SYN1: variants seen among roughly 807,000 people sequenced by gnomAD.
SYN1 encodes the protein synapsin-1.
A neutral mutation model predicts 44.6 loss-of-function variants in SYN1; 8 were observed. The observed-to-expected ratio is 0.18, with a 90% CI of 0.11 to 0.32. SYN1 has a LOEUF of 0.32. Among genes scored for constraint, SYN1 ranks in the 10% least tolerant of loss-of-function variants. The pLI is 1.00. For synonymous variants in SYN1, 275 were observed against 280.1 expected (o/e 0.98, Z 0.18); for missense variants, 451 against 639.4 (o/e 0.71, Z 3.18).
At chrX:47,586,588 T>A in intron 5 of SYN1, 1 of 1,211,870 alleles carries the variant, frequency 8.3e-7, no homozygotes, top group Middle Eastern at 2.3e-4. Flanking sequence ...ACGGACCAGC[T>A]CCTCCAAGGC....
At chrX:47,610,936 C>T (rs2057914859) in intron 1 of SYN1, among the ~76,000 whole-genome samples, 1 of 111,480 alleles carries the variant, frequency 9.0e-6, no homozygotes, top group South Asian at 3.8e-4. Context: ...AAGAAACATG[C>T]TGGTGAGGGT....
At position 47,619,765 on chromosome X, in the gene SYN1, T is replaced by A. The variant is rs1347947304; in HGVS notation, c.-37A>T. 8.7e-7 allele frequency: 1 copy of A among 1,144,850 alleles called. No homozygotes were observed. Among genetic ancestry groups the A allele is most frequent in the Non-Finnish European group, 1.2e-6 (1 of 859,511 alleles). 94.3% of individuals were successfully genotyped at this position (1,144,850 alleles called of 1,213,427 possible). A position where few individuals can be genotyped will look rare whatever the true frequency, so the allele number is the denominator to read the frequency against. ...GGGGCAGGGGGTCCTAGGGGTGGTC[T>A]GGCCAGGAGCCGCGGGGGCGGACTG... On this transcript the variant is annotated 5_prime_UTR_variant, in exon 1 of 13. Transcript: ENST00000295987.
intron 1 of SYN1, among the ~76,000 whole-genome samples, chrX:47,610,810 G>C (rs749969758): frequency 3.6e-5 from 4 of 111,504 alleles, no homozygotes; most frequent in Non-Finnish European, 5.7e-5. Context: ...AGATTGCACA[G>C]GGAAGGATTA....
chrX:47,619,411 T>C lies in SYN1; in HGVS notation c.318A>G (p.Ala106=). ...SEQVGGGSGG[A]GRGGAASRVL... is the part of the protein sequence containing the mutation. ...CCCTGGAGGCGGCTCCCCCGCGGCC[T>C]GCGCCCCCAGAGCCGCCGCCCACCT... Residue 106 remains alanine, a synonymous_variant, in exon 1 of 13, where the codon GCA becomes GCG. Transcript: ENST00000295987. 1 of 1,189,555 alleles carries C rather than the reference T, an allele frequency of 8.4e-7. No homozygotes were observed. Among genetic ancestry groups the C allele is most frequent in the Non-Finnish European group, 1.1e-6 (1 of 889,645 alleles).
chrX:47,598,526 C>T (rs1465310493), intron 5 of SYN1, among the ~76,000 whole-genome samples: 1 of 111,803 alleles, frequency 8.9e-6, no homozygotes, highest in African/African-American at 3.2e-5. Flanking sequence ...GGTCCTGTCT[C>T]TACAAAAAAA....
chrX:47,592,987 G>A (rs111711182), intron 5 of SYN1, among the ~76,000 whole-genome samples: 218 of 109,917 alleles, frequency 2.0e-3, no homozygotes, highest in African/African-American at 6.7e-3. Flanking sequence ...TGATCCTCCC[G>A]CCTCAGCCTC....
At chrX:47,607,336 A>G in intron 1 of SYN1, 138 bp from the exon 2 acceptor site, 1 of 535,161 alleles carries the variant, frequency 1.9e-6, no homozygotes, top group Non-Finnish European at 3.0e-6. Context: ...ATATTTTGAA[A>G]AAATCAAGAG....
At chrX:47,594,431 G>A (rs2057857701) in intron 5 of SYN1, among the ~76,000 whole-genome samples, 2 of 108,828 alleles carry the variant, frequency 1.8e-5, no homozygotes, top group Admixed American at 2.0e-4. Context: ...CTACTTGGGA[G>A]GCTGATGCAA....
chrX:47,603,462 T>C (rs2057886027), intron 5 of SYN1, among the ~76,000 whole-genome samples: 1 of 112,229 alleles, frequency 8.9e-6, no homozygotes, highest in Non-Finnish European at 1.9e-5. Flanking sequence ...TTTAAATTTT[T>C]AAAAAATAAT....
chrX:47,577,017 C>A (rs906544859), intron 6 of SYN1, among the ~76,000 whole-genome samples: 1 of 111,249 alleles, frequency 9.0e-6, no homozygotes, highest in African/African-American at 3.3e-5. Flanking sequence ...TACAGAAACT[C>A]GGACACAAAT....
chrX:47,592,167 C>T (rs1354471256), intron 5 of SYN1, among the ~76,000 whole-genome samples: 1 of 110,622 alleles, frequency 9.0e-6, no homozygotes, highest in Admixed American at 9.7e-5. Context: ...ATAGCAAGAC[C>T]GTGCCTCTAC....
Position 47,575,205 on chromosome X carries a change from C to T in SYN1, c.1228G>A (p.Val410Met), listed in dbSNP as rs1237229229. The change falls in exon 10 of 13, where the codon GTG becomes ATG. Residue 410 changes from valine (V) to methionine (M), a missense_variant. By Grantham distance (21) the Val-to-Met change is conservative (BLOSUM62 1). Transcript: ENST00000295987. ...DEDKQLIVEL[V>M]VNKMAQALPR... ...AGGGCCTGAGCCATCTTGTTGACCACGAGCTCTACGATGAGCTGTTTGTCT... is the reference window on the plus strand; with the variant it reads ...AGGGCCTGAGCCATCTTGTTGACCATGAGCTCTACGATGAGCTGTTTGTCT... 3.3e-6 allele frequency: 4 copies of T among 1,202,306 alleles called. No homozygotes were observed. The South Asian group carries it at 7.2e-5, about 22-fold the overall frequency.
chrX:47,578,851 T>C (rs758019635), intron 5 of SYN1, among the ~76,000 whole-genome samples: 6 of 111,336 alleles, frequency 5.4e-5, no homozygotes, highest in African/African-American at 9.8e-5. Flanking sequence ...GGGTGACCGA[T>C]TGACCTTAAG....
chrX:47,607,494 T>A (rs1180166306), intron 1 of SYN1, among the ~76,000 whole-genome samples: 1 of 110,963 alleles, frequency 9.0e-6, no homozygotes, highest in Non-Finnish European at 1.9e-5. Context: ...GTAAATTTTT[T>A]AAAAAAACTT....
chrX:47,583,303 CT>C, intron 5 of SYN1: 1 of 637,501 alleles, frequency 1.6e-6, no homozygotes, highest in Non-Finnish European at 2.3e-6. Context: ...ATCCAGCCCC[CT>C]AATCCCCCCC....
At chrX:47,600,482 A>T (rs749695773) in intron 5 of SYN1, among the ~76,000 whole-genome samples, 1 of 111,859 alleles carries the variant, frequency 8.9e-6, no homozygotes, top group Non-Finnish European at 1.9e-5. Context: ...TAGAGGTGTG[A>T]GCTACTGTGC....
In SYN1 at chrX:47,574,562, G is replaced by A; in HGVS notation, c.1422C>T (p.Pro474=). ...GCTGCAATGGGGGTCCCTGGCGCTG[G>A]GGGCCTGGACCCGGCTGTGGAGGGC... ...QGGPPQPGPG[P]QRQGPPLQQR... Residue 474 remains proline (P), a synonymous_variant, in exon 12 of 13, where the codon CCC becomes CCT. Transcript: ENST00000295987. 7.3e-6 allele frequency: 8 copies of A among 1,090,599 alleles called. No individual in the cohort carries two copies. The highest frequency in any genetic ancestry group is 8.4e-6 in the Non-Finnish European group (7 of 837,898). The allele number at this position is 1,090,599 out of a possible 1,213,427, so 89.9% of individuals were successfully genotyped here.
At chrX:47,585,036 T>C (rs750811363) in intron 5 of SYN1, 2 of 1,202,090 alleles carry the variant, frequency 1.7e-6, no homozygotes, top group East Asian at 3.0e-5. Context: ...CCCCCGCCTC[T>C]TTCCCAGCAT....
At chrX:47,609,051 CTA>C (rs1263000395) in intron 1 of SYN1, among the ~76,000 whole-genome samples, 4 of 110,010 alleles carry the variant, frequency 3.6e-5, no homozygotes, top group Non-Finnish European at 7.6e-5. Context: ...ATCGCTGACA[CTA>C]TCCCCTCAGA....
Sources: allele counts gnomAD v4.1 joint callset (sites outside exome capture counted in the v4.1 genomes callset), GRCh38; gene constraint gnomAD v4.1.1; transcripts MANE v1.5; gene names NCBI Gene and HGNC (gene_info 2026-07-23, HGNC 2026-07-21).